Variants in TAFA2 observed in about 807,000 individuals in gnomAD.
TAFA2 encodes the protein chemokine-like protein TAFA-2.
Under a neutral mutation model 18.8 loss-of-function variants are expected in TAFA2, and 7 were observed. The ratio of observed to expected loss-of-function variants is 0.37; its 90% CI spans 0.21 to 0.70. The LOEUF (loss-of-function observed/expected upper bound fraction) is 0.70, where lower values mean the gene tolerates loss of function less well. Among genes scored for constraint, TAFA2 ranks in the 30% least tolerant of loss-of-function variants. The probability of loss-of-function intolerance (pLI) is 0.53; values close to 1 mark genes in which losing one functional copy is unlikely to be tolerated. For synonymous variants in TAFA2, 60 were observed against 54.2 expected (o/e 1.11, Z -0.47); for missense variants, 122 against 158.1 (o/e 0.77, Z 1.23).
At chr12:61,733,528 G>C (rs1868256433) in intron 4 of TAFA2, among the ~76,000 whole-genome samples, 1 of 150,304 alleles carries the variant, frequency 6.7e-6, no homozygotes, top group Non-Finnish European at 1.5e-5. Context: ...ATTAAATAGG[G>C]AATCCTTTCC....
intron 1 of TAFA2, among the ~76,000 whole-genome samples, chr12:62,215,488 AATAAGT>A (rs1389866489): frequency 1.3e-5 from 2 of 151,882 alleles, no homozygotes; most frequent in Non-Finnish European, 2.9e-5. Flanking sequence ...CAAAAAATTA[AATAAGT>A]ACAATCTTAC....
chr12:61,911,742 C>T (rs1206932271), intron 1 of TAFA2, among the ~76,000 whole-genome samples: 1 of 152,040 alleles, frequency 6.6e-6, no homozygotes, highest in Non-Finnish European at 1.5e-5. Context: ...AGGGTGAAAT[C>T]AGGATTGATT....
chr12:62,100,095 A>G (rs1163482793), intron 1 of TAFA2, among the ~76,000 whole-genome samples: 1 of 151,072 alleles, frequency 6.6e-6, no homozygotes, highest in East Asian at 1.9e-4. Flanking sequence ...TCCTGTCATT[A>G]TGTCTGCCAC....
At chr12:61,718,575 TAA>T (rs1329070010) in intron 4 of TAFA2, among the ~76,000 whole-genome samples, 1 of 152,176 alleles carries the variant, frequency 6.6e-6, no homozygotes, top group Non-Finnish European at 1.5e-5. Flanking sequence ...AAAAAATCCT[TAA>T]GTCAGGAAAA....
chr12:61,747,168 C>T (rs1452074909), intron 4 of TAFA2, among the ~76,000 whole-genome samples: 4 of 151,994 alleles, frequency 2.6e-5, no homozygotes, highest in Admixed American at 1.3e-4. Context: ...CAATGAGATA[C>T]CATCTCACAC....
At chr12:61,897,136 G>T (rs1875881326) in intron 1 of TAFA2, among the ~76,000 whole-genome samples, 1 of 151,972 alleles carries the variant, frequency 6.6e-6, no homozygotes, top group African/African-American at 2.4e-5. Flanking sequence ...CATTACCATT[G>T]GTCTTGAAAG....
intron 1 of TAFA2, among the ~76,000 whole-genome samples, chr12:62,065,320 G>A (rs1390806091): frequency 3.3e-5 from 5 of 152,054 alleles, no homozygotes; most frequent in African/African-American, 1.2e-4. Context: ...ATATTAATAT[G>A]AGTAGTAAAC....
chr12:61,734,067 C>G (rs1868264208), intron 4 of TAFA2, among the ~76,000 whole-genome samples: 1 of 148,648 alleles, frequency 6.7e-6, no homozygotes, highest in Non-Finnish European at 1.5e-5. Context: ...TGATTTGGCT[C>G]TCTGTTTGTC....
intron 1 of TAFA2, among the ~76,000 whole-genome samples, chr12:62,230,321 T>C (rs1001561065): frequency 6.6e-6 from 1 of 152,132 alleles, no homozygotes; most frequent in African/African-American, 2.4e-5. Flanking sequence ...CTGAAATCGT[T>C]CTATGTTTTT....
intron 1 of TAFA2, among the ~76,000 whole-genome samples, chr12:61,970,629 T>G (rs1300503889): frequency 6.6e-6 from 1 of 151,478 alleles, no homozygotes; most frequent in Non-Finnish European, 1.5e-5. Context: ...AAAACTATGT[T>G]CTTCTCGAGA....
At chr12:61,949,735 T>A (rs531852697) in intron 1 of TAFA2, among the ~76,000 whole-genome samples, 1 of 152,290 alleles carries the variant, frequency 6.6e-6, no homozygotes, top group Non-Finnish European at 1.5e-5. Context: ...CTGGATAATT[T>A]TTTTAATATG....
intron 1 of TAFA2, among the ~76,000 whole-genome samples, chr12:61,948,183 AT>A (rs1207467710): frequency 6.6e-6 from 1 of 152,200 alleles, no homozygotes; most frequent in Non-Finnish European, 1.5e-5. Flanking sequence ...CACTTTAAAG[AT>A]TTTTTAAATT....
At chr12:61,780,045 A>G (rs1253610674) in intron 2 of TAFA2, among the ~76,000 whole-genome samples, 1 of 151,860 alleles carries the variant, frequency 6.6e-6, no homozygotes, top group African/African-American at 2.4e-5. Context: ...GAGTTATAAT[A>G]TTAAATATGA....
At chr12:61,785,102 ATTCCCTCC>A (rs1042115041) in intron 2 of TAFA2, among the ~76,000 whole-genome samples, 1 of 151,312 alleles carries the variant, frequency 6.6e-6, no homozygotes, top group African/African-American at 2.4e-5. Context: ...ATCTCTCCCT[ATTCCCTCC>A]TTCCCTCCTG....
At chr12:61,811,107 C>T (rs1276483998) in intron 2 of TAFA2, among the ~76,000 whole-genome samples, 1 of 150,986 alleles carries the variant, frequency 6.6e-6, no homozygotes, top group East Asian at 1.9e-4. Context: ...AATAAGCGTT[C>T]CTTAAAAAGG....
chr12:62,081,693 C>G (rs1199092850), intron 1 of TAFA2, among the ~76,000 whole-genome samples: 3 of 151,952 alleles, frequency 2.0e-5, no homozygotes, highest in Non-Finnish European at 4.4e-5. Context: ...CTTTTTTGGC[C>G]AGGCTTGTCT....
At chr12:61,868,602 T>A (rs1051155448) in intron 1 of TAFA2, among the ~76,000 whole-genome samples, 4 of 152,056 alleles carry the variant, frequency 2.6e-5, no homozygotes, top group African/African-American at 9.7e-5. Flanking sequence ...AAACATTCTA[T>A]CTCCAAAAAT....
At chr12:61,961,797 T>C (rs932169670) in intron 1 of TAFA2, among the ~76,000 whole-genome samples, 5 of 152,042 alleles carry the variant, frequency 3.3e-5, no homozygotes, top group Admixed American at 2.6e-4. Context: ...CCTTTCCACA[T>C]TTCTTTCAAT....
rs61018122 is a variant in TAFA2, at chr12:61,909,004, C to T, written c.-1-41578G>A. 1.6e-3 allele frequency among the ~76,000 whole-genome samples: 241 copies of T among 152,226 alleles called. 1 individual carries two copies. The highest frequency in any genetic ancestry group is 5.3e-3 in the African/African-American group (222 of 41,548). ...GTGCAATTTCAGGAAGCAAGTTTTG[C>T]GTGAAGGAGCCTGCACTTCACTGTC... On this transcript the variant is annotated intron_variant, in intron 1 of 4. Coordinates refer to ENST00000416284, the MANE Select transcript of TAFA2 (RefSeq NM_178539.5).
Sources: gnomAD v4.1 joint callset for allele counts (sites outside exome capture counted in the v4.1 genomes callset) on GRCh38, gnomAD v4.1.1 for gene constraint, MANE v1.5 for transcripts, NCBI Gene and HGNC (gene_info 2026-07-23, HGNC 2026-07-21) for gene names.